Variants in MACROD1 observed in about 807,000 individuals in gnomAD.
The protein encoded by MACROD1 is mono-ADP ribosylhydrolase 1, also known as ADP-ribose glycohydrolase MACROD1.
Under a neutral mutation model 41.4 loss-of-function variants are expected in MACROD1, and 31 were observed. The ratio of observed to expected loss-of-function variants is 0.75; its 90% CI spans 0.56 to 1.01. The LOEUF (loss-of-function observed/expected upper bound fraction) is 1.01, where lower values mean the gene tolerates loss of function less well. MACROD1 is among the 50% of genes least tolerant of loss of function. The probability of loss-of-function intolerance (pLI) is 0.00; values close to 1 mark genes in which losing one functional copy is unlikely to be tolerated. For synonymous variants in MACROD1, 252 were observed against 203.4 expected (o/e 1.24, Z -2.03); for missense variants, 473 against 460.0 (o/e 1.03, Z -0.26).
chr11:64,134,815 C>T (rs1945310916), intron 3 of MACROD1, among the ~76,000 whole-genome samples: 1 of 152,238 alleles, frequency 6.6e-6, no homozygotes. Context: ...AATTGCCTGT[C>T]CACATCTTTC....
intron 3 of MACROD1, among the ~76,000 whole-genome samples, chr11:64,136,933 T>C (rs907731377): frequency 1.3e-5 from 2 of 152,124 alleles, no homozygotes; most frequent in African/African-American, 4.8e-5. Context: ...GGAGGGCTGG[T>C]GCGGGGCTGG....
chr11:64,118,153 C>T, intron 3 of MACROD1: 1 of 1,613,836 alleles, frequency 6.2e-7, no homozygotes, highest in South Asian at 1.1e-5. Context: ...CCGTACCGCG[C>T]CAAAGAAGAG....
At chr11:64,033,768 G>A (rs1343032720) in intron 3 of MACROD1, among the ~76,000 whole-genome samples, 1 of 152,076 alleles carries the variant, frequency 6.6e-6, no homozygotes, top group African/African-American at 2.4e-5. Context: ...TTGAACCTGG[G>A]AGGCAGAGGT....
At chr11:64,142,836 C>T (rs1945432600) in intron 3 of MACROD1, among the ~76,000 whole-genome samples, 1 of 151,914 alleles carries the variant, frequency 6.6e-6, no homozygotes, top group Non-Finnish European at 1.5e-5. Flanking sequence ...CAAAACTGGG[C>T]CGGGCATGGT....
At chr11:64,034,587 C>T (rs1943339557) in intron 3 of MACROD1, among the ~76,000 whole-genome samples, 1 of 152,276 alleles carries the variant, frequency 6.6e-6, no homozygotes, top group Middle Eastern at 3.4e-3. Context: ...CAGTCTGTTC[C>T]CGGACTGGGC....
At chr11:64,001,450 T>A in intron 4 of MACROD1, 1 of 702,388 alleles carries the variant, frequency 1.4e-6, no homozygotes, top group Non-Finnish European at 2.6e-6. Context: ...ATTCCCCATT[T>A]TACAGATGGA....
At chr11:64,108,408 C>T (rs776019550) in intron 3 of MACROD1, among the ~76,000 whole-genome samples, 2 of 152,164 alleles carry the variant, frequency 1.3e-5, no homozygotes, top group Admixed American at 6.5e-5. Context: ...CTTGCCTTCA[C>T]AGGAAAGGGG....
intron 3 of MACROD1, among the ~76,000 whole-genome samples, chr11:64,019,219 C>T (rs1039072380): frequency 2.0e-5 from 3 of 152,168 alleles, no homozygotes; most frequent in South Asian, 2.1e-4. Flanking sequence ...GGGTTCCCCC[C>T]GCCCGAGGAC....
At chr11:64,145,904 G>A (rs1342360060) in intron 3 of MACROD1, among the ~76,000 whole-genome samples, 1 of 152,100 alleles carries the variant, frequency 6.6e-6, no homozygotes, top group African/African-American at 2.4e-5. Flanking sequence ...TGACTAGCTG[G>A]GACTACAGGC....
At chr11:64,124,540 T>C (rs999154446) in intron 3 of MACROD1, among the ~76,000 whole-genome samples, 5 of 152,230 alleles carry the variant, frequency 3.3e-5, no homozygotes, top group Non-Finnish European at 7.3e-5. Context: ...CCCTTTGCTC[T>C]TCCCCCTCCC....
At chr11:64,015,869 C>T (rs920008719) in intron 3 of MACROD1, among the ~76,000 whole-genome samples, 25 of 152,256 alleles carry the variant, frequency 1.6e-4, no homozygotes, top group African/African-American at 3.9e-4. Flanking sequence ...CAAGGCGAGC[C>T]GGGTAAGGGG....
At chr11:64,142,536 GC>G (rs930197287) in intron 3 of MACROD1, among the ~76,000 whole-genome samples, 1 of 152,058 alleles carries the variant, frequency 6.6e-6, no homozygotes, top group African/African-American at 2.4e-5. Context: ...TCTGAGTGCC[GC>G]CCCCCAGCCA....
chr11:64,113,030 T>C (rs1258451177), intron 3 of MACROD1, among the ~76,000 whole-genome samples: 3 of 152,178 alleles, frequency 2.0e-5, no homozygotes, highest in Non-Finnish European at 4.4e-5. Context: ...CACCAAATGG[T>C]GTGACCTGCA....
chr11:64,148,678 A>C (rs549791482), intron 3 of MACROD1: 3 of 935,850 alleles, frequency 3.2e-6, no homozygotes, highest in Non-Finnish European at 3.8e-6. Context: ...GAAACTTTAC[A>C]TATGAATTAA....
chr11:64,121,978 A>AAAAAGGAAAGGAAAG (rs1275841190), intron 3 of MACROD1, among the ~76,000 whole-genome samples: 16 of 151,966 alleles, frequency 1.1e-4, no homozygotes, highest in South Asian at 2.1e-4. Flanking sequence ...CCTAAAAAAA[A>AAAAAGGAAAGGAAAG]AAAAGGAAAG....
At chr11:64,126,777 T>TGAGC (rs1945189047) in intron 3 of MACROD1, 1 of 152,124 alleles carries the variant, frequency 6.6e-6, no homozygotes, top group Non-Finnish European at 1.5e-5. Context: ...CCCAAGCCTG[T>TGAGC]GACCGAGGTC....
rs529958221 is a variant in MACROD1 at position 64,007,601 on chromosome 11, C to T, written c.548-7258G>A. On this transcript the variant is annotated intron_variant, in intron 4 of 10. Coordinates refer to ENST00000255681, the MANE Select transcript of MACROD1 (RefSeq NM_014067.4). ...GAGCAATTGGGAATTGATTCGAGCG[C>T]GGTGGGAAGTTTCCATCAGTGAAGG... Among the ~76,000 whole-genome samples the T allele has an allele frequency of 2.4e-4, 37 of 152,194 alleles. No homozygotes were observed. In the South Asian group the frequency reaches 6.6e-3, roughly 27 times the overall value.
At chr11:64,103,010 G>A (rs1009287108) in intron 3 of MACROD1, among the ~76,000 whole-genome samples, 11 of 151,894 alleles carry the variant, frequency 7.2e-5, no homozygotes, top group Non-Finnish European at 1.0e-4. Flanking sequence ...GGCAGAGGTC[G>A]CAGTGAGCCG....
chr11:64,159,395 C>T (rs903160431), intron 1 of MACROD1, among the ~76,000 whole-genome samples: 1 of 151,682 alleles, frequency 6.6e-6, no homozygotes, highest in Non-Finnish European at 1.5e-5. Flanking sequence ...ACTCAAGAGG[C>T]TGAGGTGGGA....
Sources: allele counts gnomAD v4.1 joint callset (sites outside exome capture counted in the v4.1 genomes callset), GRCh38; gene constraint gnomAD v4.1.1; transcripts MANE v1.5; gene names NCBI Gene and HGNC (gene_info 2026-07-23, HGNC 2026-07-21).